Variants in TECRL observed in about 807,000 individuals in gnomAD.
The protein encoded by TECRL is trans-2,3-enoyl-CoA reductase-like.
In TECRL, 63 loss-of-function variants were observed where a neutral mutation model predicts 52.8. That is an observed-to-expected ratio of 1.19 (90% CI 0.97 to 1.47). The LOEUF is 1.47. TECRL is among the 40% of genes most tolerant of loss of function. TECRL has a pLI of 0.00. For missense variants in TECRL, 482 were observed against 429.6 expected (o/e 1.12, Z -1.08); for synonymous variants, 164 against 141.9 (o/e 1.16, Z -1.10).
chr4:64,403,908 G>A (rs946900393), intron 1 of TECRL, among the ~76,000 whole-genome samples: 9 of 151,602 alleles, frequency 5.9e-5, no homozygotes, highest in African/African-American at 1.2e-4. Context: ...GCATGTACAC[G>A]AAATTCTGAA....
At chr4:64,305,276 A>G (rs1412335969) in intron 6 of TECRL, 38 bp from the exon 7 acceptor site, 1 of 1,551,332 alleles carries the variant, frequency 6.4e-7, no homozygotes, top group South Asian at 1.1e-5. Context: ...GTTAGGAAAA[A>G]TATGTAATAT....
intron 1 of TECRL, among the ~76,000 whole-genome samples, chr4:64,399,990 C>A (rs1724236393): frequency 6.6e-6 from 1 of 152,092 alleles, no homozygotes; most frequent in South Asian, 2.1e-4. Flanking sequence ...TCCTCCAGAT[C>A]CCAAGAATGA....
chr4:64,313,476 C>CTT (rs565143298), intron 5 of TECRL, among the ~76,000 whole-genome samples: 148 of 66,322 alleles, frequency 2.2e-3, no homozygotes, highest in Middle Eastern at 0.012. Context: ...TGCCTTACTC[C>CTT]TTTTTTTTTT....
At chr4:64,335,502 G>A (rs1264818008) in intron 2 of TECRL, among the ~76,000 whole-genome samples, 4 of 152,122 alleles carry the variant, frequency 2.6e-5, no homozygotes, top group African/African-American at 9.7e-5. Context: ...GAAGTAAAGT[G>A]CAAAATAAAT....
At chr4:64,357,599 T>A (rs1176503161) in intron 2 of TECRL, among the ~76,000 whole-genome samples, 2 of 123,870 alleles carry the variant, frequency 1.6e-5, no homozygotes, top group African/African-American at 4.9e-5. Flanking sequence ...AATTTAAAAC[T>A]ATGAAAAGAA....
intron 2 of TECRL, among the ~76,000 whole-genome samples, chr4:64,343,141 T>C (rs529159277): frequency 6.6e-6 from 1 of 152,240 alleles, no homozygotes; most frequent in Admixed American, 6.5e-5. Context: ...TTTCCAGTGC[T>C]TAAATTAACA....
At chr4:64,397,747 C>T (rs1724052646) in intron 1 of TECRL, 1 of 152,150 alleles carries the variant, frequency 6.6e-6, no homozygotes, top group Admixed American at 6.6e-5. Flanking sequence ...AGCAGCCATG[C>T]TAATCTCTTT....
chr4:64,296,674 T>G (rs908909349), intron 8 of TECRL, among the ~76,000 whole-genome samples: 6 of 151,704 alleles, frequency 4.0e-5, no homozygotes, highest in African/African-American at 1.4e-4. Context: ...TACAAAAAGA[T>G]AAAGAAAATA....
At chr4:64,306,342 A>T (rs1162012780) in intron 6 of TECRL, among the ~76,000 whole-genome samples, 2 of 152,122 alleles carry the variant, frequency 1.3e-5, no homozygotes, top group Non-Finnish European at 2.9e-5. Context: ...TTAGAAGGAT[A>T]TCCTGGGGCA....
Position 64,371,312 on chromosome 4 carries a change from TA to T in TECRL, c.286+3859del, listed in dbSNP as rs1382226815. On this transcript the variant is annotated intron_variant, in intron 2 of 11. Coordinates refer to ENST00000381210, the MANE Select transcript of TECRL (RefSeq NM_001010874.5). ...TCATTATAATTAATTAAATTATAAT[TA>T]TAACTAAATTGTAAAACAATCACAA... Among the ~76,000 whole-genome samples the T allele has an allele frequency of 1.2e-4, 18 of 151,224 alleles. 1 individual carries two copies. Among genetic ancestry groups the T allele is most frequent in the Middle Eastern group, 3.4e-3 (1 of 290 alleles).
intron 1 of TECRL, among the ~76,000 whole-genome samples, chr4:64,407,850 T>C (rs1186878348): frequency 1.3e-5 from 2 of 150,454 alleles, no homozygotes; most frequent in African/African-American, 4.8e-5. Flanking sequence ...TTGTATGATA[T>C]TTAAAAATCT....
In TECRL at chr4:64,337,036, G is replaced by A. The variant is rs1476961192; in HGVS notation, c.287-8480C>T. Among the ~76,000 whole-genome samples, 4 of 152,096 alleles carry A rather than the reference G, an allele frequency of 2.6e-5. No individual in the cohort carries two copies. In the East Asian group the frequency reaches 5.8e-4, roughly 22 times the overall value. On this transcript the variant is annotated intron_variant, in intron 2 of 11. Transcript: ENST00000381210. ...CTGTCTATTAGGTCCGCTTGGTGCA[G>A]AGCTGAATTCAATTCCTGGATATCC...
chr4:64,360,077 G>A (rs570493791), intron 2 of TECRL, among the ~76,000 whole-genome samples: 22 of 152,184 alleles, frequency 1.4e-4, no homozygotes, highest in South Asian at 8.3e-4. Context: ...ACGAGAAATC[G>A]TAAGTAACCA....
At chr4:64,403,444 GCAAA>G (rs1424144450) in intron 1 of TECRL, among the ~76,000 whole-genome samples, 6 of 147,016 alleles carry the variant, frequency 4.1e-5, no homozygotes, top group African/African-American at 1.3e-4. Flanking sequence ...AAGCAAGCAA[GCAAA>G]CAAACAATAT....
In TECRL at chr4:64,289,741, G is replaced by T. The variant is rs754917348; in HGVS notation, c.801C>A (p.Ile267=). 1.9e-6 allele frequency: 3 copies of T among 1,549,188 alleles called. No individual in the cohort carries two copies. Among genetic ancestry groups the T allele is most frequent in the Non-Finnish European group, 2.6e-6 (3 of 1,157,100 alleles). The stretch of plus-strand genomic sequence containing the variant: ...GATTGGGATGAGACAACATTACATT[G>T]ATGAAATGATTCCCAGCTTCACAAA... ...FLICEAGNHF[I]NVMLSHPNHT... is the part of the protein sequence containing the mutation. The change falls in exon 9 of 12, where the codon ATC becomes ATA. Residue 267 remains isoleucine (I), a synonymous_variant. Coordinates refer to ENST00000381210, the MANE Select transcript of TECRL (RefSeq NM_001010874.5).
At chr4:64,377,303 G>C (rs901159257) in intron 1 of TECRL, among the ~76,000 whole-genome samples, 2 of 151,950 alleles carry the variant, frequency 1.3e-5, no homozygotes, top group Non-Finnish European at 2.9e-5. Flanking sequence ...GATTGTACTT[G>C]ATCTGCTCTT....
chr4:64,396,128 G>A (rs1723933324), intron 1 of TECRL, among the ~76,000 whole-genome samples: 1 of 141,792 alleles, frequency 7.1e-6, no homozygotes, highest in African/African-American at 2.6e-5. Context: ...CTGCTGTGAT[G>A]AATATACATG....
At chr4:64,391,094 G>A (rs181843671) in intron 1 of TECRL, among the ~76,000 whole-genome samples, 177 of 151,868 alleles carry the variant, frequency 1.2e-3, no homozygotes, top group African/African-American at 4.0e-3. Context: ...CATGCTCTTG[G>A]AAGAATTTGT....
At chr4:64,399,462 TAAG>T (rs1214856498) in intron 1 of TECRL, among the ~76,000 whole-genome samples, 12 of 152,142 alleles carry the variant, frequency 7.9e-5, no homozygotes, top group African/African-American at 9.7e-5. Flanking sequence ...TTTGTGTAAC[TAAG>T]AAGAAGGCAA....
Sources: gnomAD v4.1 joint callset for allele counts (sites outside exome capture counted in the v4.1 genomes callset) on GRCh38, gnomAD v4.1.1 for gene constraint, MANE v1.5 for transcripts, NCBI Gene and HGNC (gene_info 2026-07-23, HGNC 2026-07-21) for gene names.